Variants in ANGPT1 observed in about 807,000 individuals in gnomAD.
ANGPT1 encodes the protein angiopoietin 1, also known as angiopoietin-1.
Under a neutral mutation model 62.2 loss-of-function variants are expected in ANGPT1, and 17 were observed. The ratio of observed to expected loss-of-function variants is 0.27; its 90% CI spans 0.19 to 0.41. ANGPT1 has a LOEUF of 0.41. ANGPT1 is among the 10% of genes least tolerant of loss of function. The pLI is 1.00. For synonymous variants in ANGPT1, 199 were observed against 198.9 expected, an observed-to-expected ratio of 1.00 and a Z score of 0.00; for missense variants, 478 against 594.9, an observed-to-expected ratio of 0.80 and a Z score of 2.04.
chr8:107,285,977 G>C (rs1052847593), intron 6 of ANGPT1, among the ~76,000 whole-genome samples: 1 of 152,138 alleles, frequency 6.6e-6, no homozygotes, highest in Non-Finnish European at 1.5e-5. Context: ...GGAAAGGATA[G>C]AGGAAAGAAG....
chr8:107,419,501 T>G (rs182685570), intron 1 of ANGPT1, among the ~76,000 whole-genome samples: 33 of 152,310 alleles, frequency 2.2e-4, no homozygotes, highest in Admixed American at 7.2e-4. Context: ...GACTTTCCAC[T>G]CTTCATCAAC....
chr8:107,268,501 T>C (rs536399372), intron 7 of ANGPT1, among the ~76,000 whole-genome samples: 157 of 151,758 alleles, frequency 1.0e-3, no homozygotes, highest in Non-Finnish European at 1.6e-3. Flanking sequence ...GTTCTTATTT[T>C]CTCAGAGACT....
intron 3 of ANGPT1, among the ~76,000 whole-genome samples, chr8:107,332,782 T>G (rs1017546296): frequency 6.6e-6 from 1 of 152,098 alleles, no homozygotes; most frequent in Non-Finnish European, 1.5e-5. Flanking sequence ...AAAGCTTAAT[T>G]TAGATAATCC....
At chr8:107,401,540 C>A (rs1299933891) in intron 1 of ANGPT1, among the ~76,000 whole-genome samples, 2 of 152,128 alleles carry the variant, frequency 1.3e-5, no homozygotes, top group Admixed American at 6.5e-5. Flanking sequence ...TCTGAAGTGA[C>A]CTGCTTTTAA....
chr8:107,455,712 T>C (rs1811902420), intron 1 of ANGPT1, among the ~76,000 whole-genome samples: 2 of 152,078 alleles, frequency 1.3e-5, no homozygotes, highest in African/African-American at 2.4e-5. Flanking sequence ...GATTTTGTTT[T>C]CGTTGTTAAA....
chr8:107,454,369 C>A (rs1238134412), intron 1 of ANGPT1, among the ~76,000 whole-genome samples: 2 of 152,016 alleles, frequency 1.3e-5, no homozygotes, highest in Admixed American at 1.3e-4. Flanking sequence ...ACAAGACTGT[C>A]TATTCTATTT....
chr8:107,315,099 G>GA (rs1814983377), intron 4 of ANGPT1, among the ~76,000 whole-genome samples: 1 of 152,108 alleles, frequency 6.6e-6, no homozygotes, highest in African/African-American at 2.4e-5. Flanking sequence ...GAAGACTAGA[G>GA]GACCCATAAT....
chr8:107,266,182 C>G (rs1018462820), intron 7 of ANGPT1, among the ~76,000 whole-genome samples: 1 of 152,176 alleles, frequency 6.6e-6, no homozygotes, highest in Admixed American at 6.5e-5. Context: ...AGCCAGCCCA[C>G]GTGGAGGTGG....
chr8:107,458,057 T>C (rs1230326262), intron 1 of ANGPT1, among the ~76,000 whole-genome samples: 1 of 152,136 alleles, frequency 6.6e-6, no homozygotes, highest in Non-Finnish European at 1.5e-5. Flanking sequence ...GTTTCAAGTT[T>C]CTGAAACTGA....
chr8:107,401,915 G>A (rs1586292308), intron 1 of ANGPT1, among the ~76,000 whole-genome samples: 1 of 152,132 alleles, frequency 6.6e-6, no homozygotes, highest in East Asian at 1.9e-4. Context: ...TCTTGGAAAT[G>A]TGATGTCCTT....
intron 1 of ANGPT1, among the ~76,000 whole-genome samples, chr8:107,360,603 T>A (rs560005984): frequency 6.6e-6 from 1 of 152,278 alleles, no homozygotes; most frequent in East Asian, 1.9e-4. Flanking sequence ...CAAGAGTATG[T>A]AATCTCTAGT....
rs911998196 is a variant in ANGPT1, at chr8:107,430,154, T to C, written c.297+67108A>G. 2.6e-5 allele frequency among the ~76,000 whole-genome samples: 4 copies of C among 152,240 alleles called. No homozygotes were observed. In the East Asian group the frequency reaches 7.7e-4, roughly 29 times the overall value. On this transcript the variant is annotated intron_variant, in intron 1 of 8. Coordinates refer to ENST00000517746, the MANE Select transcript of ANGPT1 (RefSeq NM_001146.5). ...TAATTAGTATACAGAAAAAAAGTCC[T>C]TGAAAGCATTTTAACTCCTAAGGTA... is the stretch of plus-strand genomic sequence containing the variant.
At chr8:107,425,668 G>C (rs1271383763) in intron 1 of ANGPT1, among the ~76,000 whole-genome samples, 1 of 152,100 alleles carries the variant, frequency 6.6e-6, no homozygotes, top group South Asian at 2.1e-4. Flanking sequence ...CCGATCCTGG[G>C]GTTATCCCAA....
intron 7 of ANGPT1, among the ~76,000 whole-genome samples, chr8:107,270,029 A>C (rs1158983896): frequency 6.6e-6 from 1 of 152,088 alleles, no homozygotes; most frequent in East Asian, 1.9e-4. Context: ...TGAATATAGG[A>C]CAACAGTGAG....
intron 1 of ANGPT1, among the ~76,000 whole-genome samples, chr8:107,475,751 C>T (rs761077849): frequency 1.3e-5 from 2 of 152,118 alleles, no homozygotes; most frequent in Non-Finnish European, 2.9e-5. Context: ...AAAAAGCAAA[C>T]AATCCCATCA....
At chr8:107,469,392 G>A (rs1053599965) in intron 1 of ANGPT1, among the ~76,000 whole-genome samples, 1 of 151,912 alleles carries the variant, frequency 6.6e-6, no homozygotes, top group African/African-American at 2.4e-5. Flanking sequence ...GTTTGTTTGT[G>A]CTCACCTTTG....
At chr8:107,401,996 C>T (rs1029201002) in intron 1 of ANGPT1, among the ~76,000 whole-genome samples, 1 of 152,096 alleles carries the variant, frequency 6.6e-6, no homozygotes, top group African/African-American at 2.4e-5. Context: ...TTGCTTCCAT[C>T]CTCGCCACCT....
intron 5 of ANGPT1, chr8:107,295,362 C>A (rs1279812525): frequency 1.4e-5 from 2 of 146,274 alleles, no homozygotes; most frequent in African/African-American, 5.1e-5. Context: ...TGCACCTGCT[C>A]TCAGTCAACA....
At chr8:107,383,951 A>C (rs183163741) in intron 1 of ANGPT1, among the ~76,000 whole-genome samples, 1 of 152,188 alleles carries the variant, frequency 6.6e-6, no homozygotes, top group African/African-American at 2.4e-5. Context: ...AAGGAGACAC[A>C]TTAGGCACCT....
Sources: allele counts gnomAD v4.1 joint callset (sites outside exome capture counted in the v4.1 genomes callset), GRCh38; gene constraint gnomAD v4.1.1; transcripts MANE v1.5; gene names NCBI Gene and HGNC (gene_info 2026-07-23, HGNC 2026-07-21).